The following NLRP1 variants were observed in gnomAD, a reference collection of about 807,000 sequenced individuals.
The protein encoded by NLRP1 is NLR family pyrin domain containing 1.
Under a neutral mutation model 136.7 loss-of-function variants are expected in NLRP1, and 94 were observed. That is an observed-to-expected ratio of 0.69 (90% confidence interval 0.58 to 0.82). NLRP1 has a LOEUF of 0.82. Ranked by LOEUF, NLRP1 falls within the 40% of genes least tolerant of loss-of-function variation. The pLI is 0.00. For missense variants in NLRP1, 1,575 were observed against 1,802.7 expected, an observed-to-expected ratio of 0.87 and a Z score of 2.29; for synonymous variants, 690 against 725.1, an observed-to-expected ratio of 0.95 and a Z score of 0.78.
At position 5,553,387 on chromosome 17, in the gene NLRP1, G is replaced by A. The variant is rs199682508; in HGVS notation, c.2527C>T (p.Arg843Trp). 3.1e-6 allele frequency: 5 copies of A among 1,610,530 alleles called. No individual in the cohort carries two copies. The highest frequency in any genetic ancestry group is 4.2e-6 in the Non-Finnish European group (5 of 1,177,950). The change falls in exon 5 of 17, where the codon CGG (arginine) becomes TGG (tryptophan). Residue 843 changes from arginine (R) to tryptophan (W), a missense_variant and splice_region_variant. Transcript: ENST00000572272. ...RRPRCLLETL[R>W]LAGCGLTAED... is the part of the protein sequence containing the mutation. ...GAACAGAACCCAGGCCAGACTCACC[G>A]CAGGGTCTCCAGGAGGCAGCGAGGG...
chr17:5,527,806 C>G (rs1597405152), intron 12 of NLRP1, among the ~76,000 whole-genome samples: 1 of 152,212 alleles, frequency 6.6e-6, no homozygotes, highest in Admixed American at 6.5e-5. Flanking sequence ...CAGCTAGATG[C>G]CTGTGCACTC....
intron 15 of NLRP1, among the ~76,000 whole-genome samples, chr17:5,517,385 A>G (rs777040695): frequency 8.4e-4 from 79 of 94,472 alleles, no homozygotes; most frequent in Admixed American, 4.4e-3. Context: ...ACTTTCTTCC[A>G]TTGACTTTTT....
rs34211727 is a variant in NLRP1, at chr17:5,514,702, A to G, written c.*52T>C. ...TGCAGAGAAAGAAACTGAGACCCAAAGAAGGGTCAGCCAAAGCCAGGACTC... is the reference window on the plus strand; with the variant it reads ...TGCAGAGAAAGAAACTGAGACCCAAGGAAGGGTCAGCCAAAGCCAGGACTC... On this transcript the variant is annotated 3_prime_UTR_variant, in exon 17 of 17. Transcript: ENST00000572272. 0.047 allele frequency: 75,432 copies of G among 1,596,516 alleles called. 2,023 individuals carry two copies. The highest frequency in any genetic ancestry group is 0.085 in the Middle Eastern group (500 of 5,894).
In NLRP1 at chr17:5,559,574, C is replaced by A. The variant is rs199907919; in HGVS notation, c.1122G>T (p.Gln374His). ...GCTCAGCGAGACTCACCACCTTGGA[C>A]TGGGCCAGCTCTCTGCAGCTGAAGT... ...VFYFSCRELA[Q>H]SKVVSLAELI... The change falls in exon 4 of 17, where the codon CAG (glutamine) becomes CAT (histidine). Residue 374 changes from glutamine (Q) to histidine (H), a missense_variant. Coordinates refer to ENST00000572272, the MANE Select transcript of NLRP1 (RefSeq NM_033004.4). The A allele has an allele frequency of 6.2e-7, 1 of 1,614,240 alleles. No individual in the cohort carries two copies. Among genetic ancestry groups the A allele is most frequent in the African/African-American group, 1.3e-5 (1 of 75,070 alleles).
rs61194384 is a variant in NLRP1 at position 5,561,426 on chromosome 17, G to GTT, written c.653-1385_653-1384dup. 7.7e-4 allele frequency among the ~76,000 whole-genome samples: 39 copies of GTT among 50,408 alleles called. 5 individuals are homozygous for GTT. Among genetic ancestry groups the GTT allele is most frequent in the East Asian group, 2.1e-3 (4 of 1,916 alleles). 33.1% of individuals were successfully genotyped at this position (50,408 alleles called of 152,430 possible). The stretch of plus-strand genomic sequence containing the variant: ...GATAGATCAAAAAGCATGCCATGTG[G>GTT]TTTTTTTTTTTTTTTTTTTTTTTTT... On this transcript the variant is annotated intron_variant, in intron 3 of 16. Transcript: ENST00000572272.
At chr17:5,520,367 C>G (rs753448592) in intron 14 of NLRP1, among the ~76,000 whole-genome samples, 5 of 152,142 alleles carry the variant, frequency 3.3e-5, no homozygotes, top group Non-Finnish European at 7.4e-5. Context: ...GCACACATTC[C>G]TTCTGCCTGA....
In NLRP1 at chr17:5,558,743, T is replaced by C. The variant is rs770522747; in HGVS notation, c.1953A>G (p.Ile651Met). Residue 651 changes from isoleucine (I) to methionine (M), a missense_variant, in exon 4 of 17, where the codon ATA becomes ATG. Ile to Met is a conservative substitution (Grantham distance 10, BLOSUM62 1). Transcript: ENST00000572272. ...KGRGKHSNCI[I>M]DLEKTLEAYG... is the part of the protein sequence containing the mutation. ...ATGCTTCTAGCGTCTTTTCCAAATCTATGATGCAATTAGAATGTTTACCTC... is the reference window on the plus strand; with the variant it reads ...ATGCTTCTAGCGTCTTTTCCAAATCCATGATGCAATTAGAATGTTTACCTC... 1.2e-6 allele frequency: 2 copies of C among 1,614,184 alleles called. No homozygotes were observed. Among genetic ancestry groups the C allele is most frequent in the African/African-American group, 1.3e-5 (1 of 75,042 alleles).
chr17:5,532,897 C>T lies in NLRP1; in HGVS notation c.3221G>A (p.Gly1074Glu), dbSNP rs1910494636. ...SQGDLHTKPL[G>E]TDDDFWGPTG... The stretch of plus-strand genomic sequence containing the variant: ...GGGGCCCCAGAAGTCATCGTCAGTC[C>T]CCAAAGGCTTCGTATGCAGGTCCCC... The change falls in exon 11 of 17, where the codon GGG becomes GAG. Residue 1074 changes from glycine to glutamate, a missense_variant. Physicochemically the swap from Gly to Glu is moderately conservative, Grantham distance 98. Coordinates refer to ENST00000572272, the MANE Select transcript of NLRP1 (RefSeq NM_033004.4). The T allele has an allele frequency of 1.2e-6, 2 of 1,614,000 alleles. No individual in the cohort carries two copies.
At chr17:5,512,283 T>A, downstream of NLRP1, 1 of 1,534,556 alleles carries the variant, frequency 6.5e-7, no homozygotes, top group Non-Finnish European at 9.0e-7. Flanking sequence ...GGTGCCCCAT[T>A]TCTCCACAGA....
intron 3 of NLRP1, among the ~76,000 whole-genome samples, chr17:5,577,849 A>G (rs1431198921): frequency 6.6e-6 from 1 of 152,248 alleles, no homozygotes; most frequent in East Asian, 1.9e-4. Context: ...ATGCTATCTG[A>G]CTTCAAACTA....
chr17:5,514,414 T>C lies in NLRP1; in HGVS notation c.*340A>G, dbSNP rs199659179. Reference sequence around the variant, plus strand: ...ACCCTGTGACACAGCCAGAGGCAAATGGTTCCATGTCCCTCCTATTCCTCT... The same window carrying C: ...ACCCTGTGACACAGCCAGAGGCAAACGGTTCCATGTCCCTCCTATTCCTCT... On this transcript the variant is annotated 3_prime_UTR_variant, in exon 17 of 17. Coordinates refer to ENST00000572272, the MANE Select transcript of NLRP1 (RefSeq NM_033004.4). 71 of 1,133,782 alleles carry C rather than the reference T, an allele frequency of 6.3e-5. No individual in the cohort carries two copies. Among genetic ancestry groups the C allele is most frequent in the Admixed American group, 8.5e-5 (2 of 23,506 alleles). The allele number at this position is 1,133,782 out of a possible 1,614,324, so 70.2% of individuals were successfully genotyped here.
rs138737655 is a variant in NLRP1, at chr17:5,533,456, G to A, written c.3053-72C>T. On this transcript the variant is annotated intron_variant, in intron 9 of 16. Transcript: ENST00000572272. ...GCAGTCCCAGTTCTACTCAGGAGGC[G>A]GAGGTGGGAGGATTGTTTGAGCTCA... is the stretch of plus-strand genomic sequence containing the variant. The A allele has an allele frequency of 9.8e-4, 687 of 698,270 alleles. 6 individuals are homozygous for A. In the African/African-American group the frequency reaches 0.01, roughly 10 times the overall value. The allele number at this position is 698,270 out of a possible 1,614,324, so 43.3% of individuals were successfully genotyped here. A position where few individuals can be genotyped will look rare whatever the true frequency, so the allele number is the denominator to read the frequency against.
chr17:5,538,302 G>A (rs76047613), intron 7 of NLRP1, among the ~76,000 whole-genome samples: 2,589 of 152,230 alleles, frequency 0.017, 73 homozygotes, highest in African/African-American at 0.055. Flanking sequence ...AATCTCTGGG[G>A]CCTACGGGAT....
At chr17:5,536,086 G>A (rs1911021479) in intron 8 of NLRP1, among the ~76,000 whole-genome samples, 1 of 152,120 alleles carries the variant, frequency 6.6e-6, no homozygotes, top group Non-Finnish European at 1.5e-5. Flanking sequence ...GAGGCCATTT[G>A]GTATCATGCT....
At position 5,515,510 on chromosome 17, in the gene NLRP1, G is replaced by C; in HGVS notation, c.4065C>G (p.Leu1355=). ...GAGGGATCAGAGTAGTTGCAGGCAT[G>C]AGATCTCCTGGAGGAAAACAGAGAT... is the stretch of plus-strand genomic sequence containing the variant. The part of the protein sequence containing the change: ...VWEALVKPGD[L]MPATTLIPPA... Residue 1355 remains leucine, a synonymous_variant, in exon 16 of 17, where the codon CTC becomes CTG. Transcript: ENST00000572272. The C allele has an allele frequency of 6.2e-7, 1 of 1,613,126 alleles. No individual in the cohort carries two copies. Among genetic ancestry groups the C allele is most frequent in the Middle Eastern group, 1.7e-4 (1 of 6,060 alleles).
chr17:5,515,566 T>A (rs1907998895), intron 15 of NLRP1, 49 bp from the exon 16 acceptor site: 2 of 1,413,586 alleles, frequency 1.4e-6, no homozygotes, highest in South Asian at 2.3e-5. Context: ...GCTAAGTTAT[T>A]AACACACATG....
chr17:5,543,652 T>C (rs1251896675), intron 5 of NLRP1, among the ~76,000 whole-genome samples: 4 of 139,464 alleles, frequency 2.9e-5, no homozygotes, highest in East Asian at 4.0e-4. Context: ...CAGGACTCCA[T>C]CTCAAATAAA....
At chr17:5,515,623 A>G in intron 15 of NLRP1, 106 bp from the exon 16 acceptor site, 1 of 910,706 alleles carries the variant, frequency 1.1e-6, no homozygotes, top group Non-Finnish European at 1.8e-6. Context: ...TTGATTTAGA[A>G]AAAAGCCACA....
At chr17:5,506,522 A>G (rs908139343) in intron 15 of NLRP1, among the ~76,000 whole-genome samples, 2 of 152,200 alleles carry the variant, frequency 1.3e-5, no homozygotes, top group Non-Finnish European at 2.9e-5. Flanking sequence ...GAAGCAACAC[A>G]CGTGTCCATC....
Sources: allele counts gnomAD v4.1 joint callset (sites outside exome capture counted in the v4.1 genomes callset), GRCh38; gene constraint gnomAD v4.1.1; transcripts MANE v1.5; gene names NCBI Gene and HGNC (gene_info 2026-07-23, HGNC 2026-07-21).